The following DDHD1 variants were observed in gnomAD, a reference collection of about 807,000 sequenced individuals.
The protein encoded by DDHD1 is phospholipase DDHD1.
In DDHD1, 49 loss-of-function variants were observed where a neutral mutation model predicts 96.4. The ratio of observed to expected loss-of-function variants is 0.51; its 90% CI spans 0.40 to 0.64. The LOEUF is 0.64. Ranked by LOEUF, DDHD1 falls within the 30% of genes least tolerant of loss-of-function variation. The pLI, the probability that DDHD1 is intolerant of heterozygous loss-of-function variation, is 0.00. For missense variants in DDHD1, 1,106 were observed against 1,161.2 expected (o/e 0.95, Z 0.69); for synonymous variants, 442 against 446.5 (o/e 0.99, Z 0.13).
intron 6 of DDHD1, among the ~76,000 whole-genome samples, chr14:53,064,875 G>A (rs760890980): frequency 6.6e-6 from 1 of 152,062 alleles, no homozygotes; most frequent in Non-Finnish European, 1.5e-5. Flanking sequence ...ATCAGTGAAA[G>A]GAGAAATTCA....
chr14:53,115,257 T>C (rs1460449224), intron 1 of DDHD1, among the ~76,000 whole-genome samples: 1 of 152,180 alleles, frequency 6.6e-6, no homozygotes, highest in East Asian at 1.9e-4. Context: ...TTAACTGGTA[T>C]ACCTGAAAGT....
chr14:53,143,368 T>G (rs188819463), intron 1 of DDHD1, among the ~76,000 whole-genome samples: 13 of 152,342 alleles, frequency 8.5e-5, no homozygotes, highest in Admixed American at 7.2e-4. Flanking sequence ...TGTTCCTCGG[T>G]GCAGTAAAGA....
chr14:53,081,758 TCACTC>T (rs945377342), intron 4 of DDHD1, among the ~76,000 whole-genome samples: 31 of 152,154 alleles, frequency 2.0e-4, no homozygotes, highest in African/African-American at 6.8e-4. Context: ...ACACAATCCT[TCACTC>T]CACAGGATCG....
At position 53,152,391 on chromosome 14, in the gene DDHD1, G is replaced by C; in HGVS notation, c.708C>G (p.Gly236=). ...CGTGCCCCGTCGTACTCTGGCAGAA[G>C]CCGCAGGCGCGGTCCTCATCGTCAT... The part of the protein sequence containing the change: ...GEDDDEDRAC[G]FCQSTTGHEP... Residue 236 remains glycine (G), a synonymous_variant, in exon 1 of 13, where the codon GGC becomes GGG. Coordinates refer to ENST00000673822, the MANE Select transcript of DDHD1 (RefSeq NM_001160148.2). 1.2e-6 allele frequency: 2 copies of C among 1,613,918 alleles called. No individual in the cohort carries two copies.
intron 1 of DDHD1, among the ~76,000 whole-genome samples, chr14:53,148,708 G>A (rs1318676501): frequency 6.6e-6 from 1 of 152,166 alleles, no homozygotes; most frequent in Non-Finnish European, 1.5e-5. Flanking sequence ...CCACTTTCTT[G>A]CCAATGTTCC....
chr14:53,114,908 TG>T (rs1475371532), intron 1 of DDHD1, among the ~76,000 whole-genome samples: 1 of 152,098 alleles, frequency 6.6e-6, no homozygotes, highest in Non-Finnish European at 1.5e-5. Flanking sequence ...CTTCAGAAGG[TG>T]GGTAATAACA....
At chr14:53,082,595 C>A (rs1885583054) in intron 4 of DDHD1, among the ~76,000 whole-genome samples, 1 of 151,526 alleles carries the variant, frequency 6.6e-6, no homozygotes, top group Admixed American at 6.6e-5. Flanking sequence ...CCTGTCTCTA[C>A]TAAAAATACA....
At chr14:53,058,224 C>T (rs943378548) in intron 9 of DDHD1, among the ~76,000 whole-genome samples, 1 of 152,188 alleles carries the variant, frequency 6.6e-6, no homozygotes, top group African/African-American at 2.4e-5. Context: ...CCAACCTCCA[C>T]CTCCCAGGTT....
chr14:53,123,445 G>A (rs1889167077), intron 1 of DDHD1, among the ~76,000 whole-genome samples: 1 of 152,106 alleles, frequency 6.6e-6, no homozygotes, highest in Admixed American at 6.6e-5. Flanking sequence ...ACCGCACCTG[G>A]CCAATTGCTG....
At chr14:53,051,745 A>C in intron 12 of DDHD1, 99 bp downstream of exon 12, 1 of 897,960 alleles carries the variant, frequency 1.1e-6, no homozygotes, top group East Asian at 2.7e-5. Context: ...TGAAGCTGGG[A>C]TCTCATAGAA....
chr14:53,112,024 T>C (rs1305487915), intron 1 of DDHD1, among the ~76,000 whole-genome samples: 1 of 152,212 alleles, frequency 6.6e-6, no homozygotes, highest in Non-Finnish European at 1.5e-5. Flanking sequence ...CTGCTTATAT[T>C]GAAAGGATTT....
At chr14:53,142,661 A>T (rs1462959020) in intron 1 of DDHD1, among the ~76,000 whole-genome samples, 1 of 152,230 alleles carries the variant, frequency 6.6e-6, no homozygotes, top group African/African-American at 2.4e-5. Flanking sequence ...ATGCTCAAGA[A>T]TTTAGAATGC....
At chr14:53,128,314 A>G (rs1368772537) in intron 1 of DDHD1, among the ~76,000 whole-genome samples, 1 of 152,208 alleles carries the variant, frequency 6.6e-6, no homozygotes, top group Non-Finnish European at 1.5e-5. Flanking sequence ...AATACCATAA[A>G]GTTGGTAGCT....
At chr14:53,059,404 C>A (rs1436735046) in intron 8 of DDHD1, among the ~76,000 whole-genome samples, 1 of 151,730 alleles carries the variant, frequency 6.6e-6, no homozygotes, top group Admixed American at 6.6e-5. Flanking sequence ...GCCACCACGC[C>A]CAGCTAATTT....
At chr14:53,138,170 C>T (rs1388486786) in intron 1 of DDHD1, among the ~76,000 whole-genome samples, 1 of 152,084 alleles carries the variant, frequency 6.6e-6, no homozygotes, top group Non-Finnish European at 1.5e-5. Flanking sequence ...TTTCAGAGGC[C>T]GAGGTGGGCA....
chr14:53,057,323 T>C (rs1883143420), intron 9 of DDHD1, among the ~76,000 whole-genome samples: 1 of 152,160 alleles, frequency 6.6e-6, no homozygotes, highest in Admixed American at 6.5e-5. Flanking sequence ...CAAAGAAGTA[T>C]TAAGGGGGCA....
rs1887804876 is a variant in DDHD1 at position 53,107,760 on chromosome 14, G to A, written c.839-3904C>T. 2.0e-5 allele frequency among the ~76,000 whole-genome samples: 3 copies of A among 152,076 alleles called. No individual in the cohort carries two copies. In the South Asian group the frequency reaches 6.2e-4, roughly 32 times the overall value. Reference sequence around the variant, plus strand: ...GAGCTGAGATCGTGCTGAGAGACAGGACTAGCTGGATTTTCTAGGCTGACT... The same window carrying A: ...GAGCTGAGATCGTGCTGAGAGACAGAACTAGCTGGATTTTCTAGGCTGACT... On this transcript the variant is annotated intron_variant, in intron 1 of 12. Coordinates refer to ENST00000673822, the MANE Select transcript of DDHD1 (RefSeq NM_001160148.2).
chr14:53,141,664 T>C (rs1890649182), intron 1 of DDHD1, among the ~76,000 whole-genome samples: 1 of 152,210 alleles, frequency 6.6e-6, no homozygotes, highest in Non-Finnish European at 1.5e-5. Flanking sequence ...AGTATTCCGT[T>C]GTCTTCATCT....
intron 4 of DDHD1, among the ~76,000 whole-genome samples, chr14:53,089,622 T>C (rs944249746): frequency 1.3e-5 from 2 of 152,188 alleles, no homozygotes; most frequent in Middle Eastern, 3.4e-3. Context: ...ATGTAGAAAC[T>C]GGCTAGCCAT....
Sources: gnomAD v4.1 joint callset for allele counts (sites outside exome capture counted in the v4.1 genomes callset) on GRCh38, gnomAD v4.1.1 for gene constraint, MANE v1.5 for transcripts, NCBI Gene and HGNC (gene_info 2026-07-23, HGNC 2026-07-21) for gene names.